GSG1L: variants seen among roughly 807,000 people sequenced by gnomAD.
GSG1L encodes the protein GSG1 like, also known as germ cell-specific gene 1-like protein.
Under a neutral mutation model 42.1 loss-of-function variants are expected in GSG1L, and 24 were observed. The observed-to-expected ratio is 0.57, with a 90% CI of 0.41 to 0.80. GSG1L has a LOEUF of 0.80. Ranked by LOEUF, GSG1L falls within the 30% of genes least tolerant of loss-of-function variation. The pLI is 0.00. For synonymous variants in GSG1L, 215 were observed against 203.5 expected, an observed-to-expected ratio of 1.06 and a Z score of -0.48; for missense variants, 445 against 472.2, an observed-to-expected ratio of 0.94 and a Z score of 0.53.
At chr16:27,869,552 ATC>A (rs1324851105) in intron 3 of GSG1L, among the ~76,000 whole-genome samples, 3 of 93,502 alleles carry the variant, frequency 3.2e-5, no homozygotes, top group African/African-American at 9.2e-5. Context: ...GTCTCCCTTC[ATC>A]TCTCTCTCCT....
rs949900702 is a variant in GSG1L, at chr16:28,059,305, A to G, written c.349+3771T>C. Reference sequence around the variant, plus strand: ...TCCTTCCTACCCCAACGTCTCTGGGACTGTGGGAGGGGCCACCGCGGTGTG... The same window carrying G: ...TCCTTCCTACCCCAACGTCTCTGGGGCTGTGGGAGGGGCCACCGCGGTGTG... On this transcript the variant is annotated intron_variant, in intron 1 of 6. Coordinates refer to ENST00000447459, the MANE Select transcript of GSG1L (RefSeq NM_001109763.2). This position sits in a 1 kb window ranked among gnomAD's most constrained non-coding sequence, Gnocchi z 4.4. Among the ~76,000 whole-genome samples, 9 of 152,052 alleles carry G rather than the reference A, an allele frequency of 5.9e-5. No homozygotes were observed. The highest frequency in any genetic ancestry group is 2.2e-4 in the African/African-American group (9 of 41,378).
At chr16:27,791,742 A>G (rs561730030) in intron 6 of GSG1L, among the ~76,000 whole-genome samples, 1 of 151,654 alleles carries the variant, frequency 6.6e-6, no homozygotes. Context: ...CAAGCCACCA[A>G]TGTATCCACG....
chr16:28,031,701 G>A (rs889751607), intron 1 of GSG1L, among the ~76,000 whole-genome samples: 2 of 152,186 alleles, frequency 1.3e-5, no homozygotes, highest in African/African-American at 4.8e-5. Flanking sequence ...CAAGCTGAGA[G>A]ACAGGCTCAG....
chr16:28,020,516 A>G (rs1292251981), intron 1 of GSG1L, among the ~76,000 whole-genome samples: 1 of 152,142 alleles, frequency 6.6e-6, no homozygotes, highest in Admixed American at 6.6e-5. Flanking sequence ...AATCCTCACA[A>G]AAACTCTATA....
At chr16:27,823,948 A>G (rs771165890) in intron 5 of GSG1L, 2 of 702,820 alleles carry the variant, frequency 2.8e-6, no homozygotes, top group East Asian at 2.7e-5. Context: ...ACACTTACAC[A>G]TAGAAAGGCA....
intron 1 of GSG1L, among the ~76,000 whole-genome samples, chr16:28,038,085 A>G (rs1168265545): frequency 6.6e-6 from 1 of 152,212 alleles, no homozygotes; most frequent in Non-Finnish European, 1.5e-5. Flanking sequence ...CGGAGCAGTT[A>G]AACAATTTGC....
At chr16:27,849,203 G>GCCC (rs1567485061) in intron 3 of GSG1L, among the ~76,000 whole-genome samples, 28 of 79,916 alleles carry the variant, frequency 3.5e-4, no homozygotes, top group African/African-American at 1.2e-3. Flanking sequence ...ATCCCAAAAA[G>GCCC]AAAAAAAAAA....
chr16:27,905,319 C>CTTTT (rs539377057), intron 2 of GSG1L, among the ~76,000 whole-genome samples: 2 of 132,592 alleles, frequency 1.5e-5, no homozygotes, highest in Admixed American at 7.7e-5. Context: ...ATGCCAGAAT[C>CTTTT]TTTTTTTTTT....
chr16:27,944,828 A>T (rs543581495), intron 2 of GSG1L, among the ~76,000 whole-genome samples: 3 of 152,028 alleles, frequency 2.0e-5, no homozygotes, highest in Non-Finnish European at 4.4e-5. Flanking sequence ...TAATCCTAGC[A>T]CTCTAGGAGT....
chr16:27,949,279 T>C lies in GSG1L; in HGVS notation c.397+13877A>G, dbSNP rs551387762. Among the ~76,000 whole-genome samples the C allele has an allele frequency of 4.9e-4, 74 of 152,190 alleles. 2 individuals are homozygous for C. The South Asian group carries it at 9.5e-3, about 20-fold the overall frequency. On this transcript the variant is annotated intron_variant, in intron 2 of 6. Coordinates refer to ENST00000447459, the MANE Select transcript of GSG1L (RefSeq NM_001109763.2). ...AAAATAAACTGGCATACTAAAACTA[T>C]GAGTTGACAGATATTACTGCTCAGG...
chr16:27,942,153 T>A (rs932181938), intron 2 of GSG1L, among the ~76,000 whole-genome samples: 1 of 146,864 alleles, frequency 6.8e-6, no homozygotes, highest in African/African-American at 2.5e-5. Context: ...TCTTCTTTTT[T>A]TTTTTTTTTT....
chr16:27,910,116 T>G (rs1214129403), intron 2 of GSG1L, among the ~76,000 whole-genome samples: 1 of 143,688 alleles, frequency 7.0e-6, no homozygotes, highest in Non-Finnish European at 1.5e-5. Context: ...CATGCCACCA[T>G]GCCTGGCTAC....
intron 3 of GSG1L, among the ~76,000 whole-genome samples, chr16:27,876,151 C>G (rs964981474): frequency 2.6e-5 from 4 of 152,168 alleles, no homozygotes; most frequent in Non-Finnish European, 4.4e-5. Context: ...AATACTTGCC[C>G]TCTAAGCTAT....
intron 2 of GSG1L, among the ~76,000 whole-genome samples, chr16:27,916,910 A>G (rs2084463867): frequency 6.6e-6 from 1 of 152,208 alleles, no homozygotes; most frequent in East Asian, 1.9e-4. Context: ...GAGTGGGGCT[A>G]TATCAGTTAA....
intron 2 of GSG1L, among the ~76,000 whole-genome samples, chr16:27,928,924 G>A (rs1230210153): frequency 3.9e-5 from 6 of 152,192 alleles, no homozygotes; most frequent in Admixed American, 6.5e-5. Flanking sequence ...TCCAAATCAC[G>A]GAGTGATGAT....
intron 1 of GSG1L, 115 bp downstream of exon 1, chr16:28,062,961 G>A: frequency 8.4e-7 from 1 of 1,192,366 alleles, no homozygotes; most frequent in Non-Finnish European, 1.0e-6. Context: ...GCGGAGCGCT[G>A]GGAGCTGGGC....
intron 1 of GSG1L, among the ~76,000 whole-genome samples, chr16:27,996,484 C>G (rs2085515316): frequency 6.7e-6 from 1 of 149,600 alleles, no homozygotes; most frequent in South Asian, 2.2e-4. Context: ...ATGGAAGGAT[C>G]ATGCCCATTA....
At chr16:28,018,163 G>A (rs1037660318) in intron 1 of GSG1L, among the ~76,000 whole-genome samples, 1 of 152,154 alleles carries the variant, frequency 6.6e-6, no homozygotes, top group African/African-American at 2.4e-5. Flanking sequence ...CAGAGAACAT[G>A]TTGTTCAAAC....
At position 28,022,766 on chromosome 16, in the gene GSG1L, C is replaced by T. The variant is rs553352136; in HGVS notation, c.349+40310G>A. ...CACTGCAACCTCCAACTCCCAGGTT[C>T]AAGCGATTCTCCTGCCTCAGCCTCC... On this transcript the variant is annotated intron_variant, in intron 1 of 6. Coordinates refer to ENST00000447459, the MANE Select transcript of GSG1L (RefSeq NM_001109763.2). Among the ~76,000 whole-genome samples, 7 of 152,344 alleles carry T rather than the reference C, an allele frequency of 4.6e-5. No homozygotes were observed. The East Asian group carries it at 1.3e-3, about 29-fold the overall frequency.
Sources: gnomAD v4.1 joint callset for allele counts (sites outside exome capture counted in the v4.1 genomes callset) on GRCh38, gnomAD v4.1.1 for gene constraint, Gnocchi (gnomAD v3.1) non-coding constraint, MANE v1.5 for transcripts, NCBI Gene and HGNC (gene_info 2026-07-23, HGNC 2026-07-21) for gene names.